Variants in NFIB observed in about 807,000 individuals in gnomAD.
NFIB encodes the protein nuclear factor I B.
In NFIB, 11 loss-of-function variants were observed where a neutral mutation model predicts 61.5. The observed-to-expected ratio is 0.18, with a 90% CI of 0.11 to 0.30. NFIB has a LOEUF of 0.30. Ranked by LOEUF, NFIB falls within the 10% of genes least tolerant of loss-of-function variation. The probability of loss-of-function intolerance (pLI) is 1.00; values close to 1 mark genes in which losing one functional copy is unlikely to be tolerated. For missense variants in NFIB, 471 were observed against 608.9 expected, an observed-to-expected ratio of 0.77 and a Z score of 2.38; for synonymous variants, 260 against 216.5, an observed-to-expected ratio of 1.20 and a Z score of -1.76.
chr9:14,135,061 G>A (rs1038404417), intron 6 of NFIB, among the ~76,000 whole-genome samples: 17 of 151,862 alleles, frequency 1.1e-4, no homozygotes, highest in Non-Finnish European at 2.4e-4. Context: ...AAAATACATA[G>A]AAAAACAGGC....
At chr9:14,273,648 G>A (rs2057782293) in intron 2 of NFIB, among the ~76,000 whole-genome samples, 1 of 152,148 alleles carries the variant, frequency 6.6e-6, no homozygotes. Flanking sequence ...ATTATTGTCA[G>A]TGTGACTTTA....
the NFIB span, among the ~76,000 whole-genome samples, chr9:14,501,826 C>G: frequency 5.3e-5 from 8 of 152,304 alleles, no homozygotes; most frequent in East Asian, 1.5e-3. Flanking sequence ...TTCCTTCTCT[C>G]CCCCTGCCTT....
the NFIB span, among the ~76,000 whole-genome samples, chr9:14,503,087 G>GAT: frequency 9.9e-4 from 111 of 112,434 alleles, no homozygotes; most frequent in Admixed American, 1.5e-3. Context: ...AGTATTTTAT[G>GAT]GTATATATAT....
intron 2 of NFIB, among the ~76,000 whole-genome samples, chr9:14,181,250 T>C (rs2046738708): frequency 6.6e-6 from 1 of 152,218 alleles, no homozygotes. Flanking sequence ...AATTGTCTTT[T>C]TGGTTTTATT....
At chr9:14,324,753 CTTT>C (rs1198748981) in intron 1 of NFIB, among the ~76,000 whole-genome samples, 2 of 152,048 alleles carry the variant, frequency 1.3e-5, no homozygotes, top group Admixed American at 6.5e-5. Context: ...CATATATTAT[CTTT>C]TTTTATTTGG....
intron 6 of NFIB, among the ~76,000 whole-genome samples, chr9:14,130,878 C>T (rs2040322766): frequency 6.6e-6 from 1 of 152,044 alleles, no homozygotes; most frequent in Admixed American, 6.6e-5. Context: ...TGAGAAGTAG[C>T]TGACTGTAAA....
intron 4 of NFIB, among the ~76,000 whole-genome samples, chr9:14,155,304 T>TA (rs1180471585): frequency 6.6e-6 from 1 of 152,214 alleles, no homozygotes. Context: ...AGTGGCCAGT[T>TA]AAAACAATTG....
intron 2 of NFIB, among the ~76,000 whole-genome samples, chr9:14,190,596 T>C (rs1196316842): frequency 6.6e-6 from 1 of 152,134 alleles, no homozygotes; most frequent in Non-Finnish European, 1.5e-5. Context: ...AATGCATCAT[T>C]GAACCAACAT....
At chr9:14,449,960 TA>T in the NFIB span, among the ~76,000 whole-genome samples, 1 of 151,862 alleles carries the variant, frequency 6.6e-6, no homozygotes, top group East Asian at 1.9e-4. Context: ...AATAAATAAA[TA>T]AAATTTTTTT....
At chr9:14,114,805 C>T (rs953623157) in intron 9 of NFIB, among the ~76,000 whole-genome samples, 1 of 152,102 alleles carries the variant, frequency 6.6e-6, no homozygotes, top group Non-Finnish European at 1.5e-5. Flanking sequence ...ACCATTTATC[C>T]TGTGATAATC....
intron 2 of NFIB, among the ~76,000 whole-genome samples, chr9:14,234,565 T>G (rs556970748): frequency 6.6e-6 from 1 of 152,136 alleles, no homozygotes; most frequent in East Asian, 1.9e-4. Context: ...AGACAGGGTT[T>G]CACCATATTG....
chr9:14,322,520 C>G (rs1223585494), intron 1 of NFIB, among the ~76,000 whole-genome samples: 2 of 152,092 alleles, frequency 1.3e-5, no homozygotes, highest in Non-Finnish European at 2.9e-5. Flanking sequence ...CTTCCGCGCC[C>G]GGCCCGCGCT....
chr9:14,096,734 T>G (rs914422650), intron 10 of NFIB: 1 of 152,222 alleles, frequency 6.6e-6, no homozygotes, highest in Admixed American at 6.5e-5. Context: ...TTCTTCACGC[T>G]TCGGCTCCCC....
At chr9:14,304,780 C>A (rs1368957887) in intron 2 of NFIB, among the ~76,000 whole-genome samples, 2 of 152,210 alleles carry the variant, frequency 1.3e-5, no homozygotes, top group African/African-American at 4.8e-5. Context: ...TCTAACTGAC[C>A]GGAGAATTAT....
In NFIB at chr9:14,256,691, C is replaced by A. The variant is rs551628108; in HGVS notation, c.562+50298G>T. On this transcript the variant is annotated intron_variant, in intron 2 of 10. Coordinates refer to ENST00000380953, the MANE Select transcript of NFIB (RefSeq NM_001190737.2). ...CATGAGAATCACAGTTACTTAATCA[C>A]TGTGAGCTCATAAAACTGGACCCAA... Among the ~76,000 whole-genome samples the A allele has an allele frequency of 2.0e-5, 3 of 152,320 alleles. No individual in the cohort carries two copies. In the South Asian group the frequency reaches 6.2e-4, roughly 32 times the overall value.
At chr9:14,243,203 C>T (rs2054530485) in intron 2 of NFIB, among the ~76,000 whole-genome samples, 1 of 152,088 alleles carries the variant, frequency 6.6e-6, no homozygotes. Context: ...ATATGAAAAC[C>T]AATCACTTAA....
intron 10 of NFIB, among the ~76,000 whole-genome samples, chr9:14,093,144 A>G (rs1181706136): frequency 6.6e-6 from 1 of 152,104 alleles, no homozygotes. Flanking sequence ...CAAAGACTTT[A>G]CATCACCTAT....
rs566823822 is a variant in NFIB, at chr9:14,334,207, A to G, written c.109-26687T>C. Among the ~76,000 whole-genome samples, 7 of 152,322 alleles carry G rather than the reference A, an allele frequency of 4.6e-5. No individual in the cohort carries two copies. The South Asian group carries it at 1.4e-3, about 32-fold the overall frequency. On this transcript the variant is annotated intron_variant, in intron 1 of 8. Coordinates refer to the NFIB transcript ENST00000380934. The stretch of plus-strand genomic sequence containing the variant: ...TACATGTTTTCTATTACACATATGT[A>G]TGCATTCTTTTGGGGTATAAGCCTA...
chr9:14,209,430 T>C (rs1378727700), intron 2 of NFIB, among the ~76,000 whole-genome samples: 1 of 152,228 alleles, frequency 6.6e-6, no homozygotes, highest in Non-Finnish European at 1.5e-5. Flanking sequence ...TTCATTAAGA[T>C]GAATAACCAA....
Sources: gnomAD v4.1 joint callset for allele counts (sites outside exome capture counted in the v4.1 genomes callset) on GRCh38, gnomAD v4.1.1 for gene constraint, MANE v1.5 for transcripts, NCBI Gene and HGNC (gene_info 2026-07-23, HGNC 2026-07-21) for gene names.